CPXM2: variants seen among roughly 807,000 people sequenced by gnomAD.
The protein encoded by CPXM2 is inactive carboxypeptidase-like protein X2.
CPXM2 carries 66 observed loss-of-function variants against 86.1 expected under a neutral mutation model. That is an observed-to-expected ratio of 0.77 (90% CI 0.63 to 0.94). The LOEUF is 0.94. Ranked by LOEUF, CPXM2 falls within the 40% of genes least tolerant of loss-of-function variation. CPXM2 has a pLI of 0.00. For missense variants in CPXM2, 948 were observed against 1,026.3 expected (o/e 0.92, Z 1.04); for synonymous variants, 388 against 400.2 (o/e 0.97, Z 0.36).
intron 6 of CPXM2, among the ~76,000 whole-genome samples, chr10:123,793,356 C>G (rs547111085): frequency 6.7e-6 from 1 of 150,332 alleles, no homozygotes; most frequent in Non-Finnish European, 1.5e-5. Context: ...CCCAGCTACC[C>G]GGAGGCTAAG....
chr10:123,794,734 CGTGTGTGTGT>C (rs142855432), intron 6 of CPXM2, among the ~76,000 whole-genome samples: 63 of 141,244 alleles, frequency 4.5e-4, no homozygotes, highest in Non-Finnish European at 8.9e-4. Context: ...TATTTAAGAC[CGTGTGTGTGT>C]GTGTGTGTGT....
intron 4 of CPXM2, among the ~76,000 whole-genome samples, chr10:123,840,832 G>A (rs7095366): frequency 0.028 from 4,325 of 152,282 alleles, 78 homozygotes; most frequent in African/African-American, 0.053. Flanking sequence ...AATGACAGGT[G>A]GTTAAATGTA....
intron 3 of CPXM2, among the ~76,000 whole-genome samples, chr10:123,855,384 A>G (rs1296262254): frequency 6.6e-6 from 1 of 152,182 alleles, no homozygotes; most frequent in African/African-American, 2.4e-5. Flanking sequence ...CAAAACAGAA[A>G]ATCGGGAAGG....
intron 2 of CPXM2, among the ~76,000 whole-genome samples, chr10:123,863,510 G>C (rs1848904981): frequency 6.6e-6 from 1 of 152,200 alleles, no homozygotes; most frequent in Non-Finnish European, 1.5e-5. Flanking sequence ...TCCTTCCCCA[G>C]GGTTTGCCCT....
At chr10:123,870,337 C>A (rs9423276) in intron 2 of CPXM2, among the ~76,000 whole-genome samples, 3 of 152,194 alleles carry the variant, frequency 2.0e-5, no homozygotes, top group Non-Finnish European at 4.4e-5. Flanking sequence ...AGACAGGCAT[C>A]CCCCGCTGGC....
chr10:123,836,119 C>A (rs187156949), intron 4 of CPXM2, among the ~76,000 whole-genome samples: 3 of 152,222 alleles, frequency 2.0e-5, no homozygotes, highest in East Asian at 3.9e-4. Flanking sequence ...CCAGTGTACC[C>A]TGGAGATCCC....
chr10:123,940,328 A>G (rs927156616), upstream of CPXM2: 3 of 152,304 alleles, frequency 2.0e-5, no homozygotes, highest in African/African-American at 4.8e-5. Flanking sequence ...GATGATGTAC[A>G]TGGGACATCT....
intron 4 of CPXM2, among the ~76,000 whole-genome samples, chr10:123,842,047 CT>C (rs1212289888): frequency 6.6e-6 from 1 of 152,244 alleles, no homozygotes; most frequent in Non-Finnish European, 1.5e-5. Context: ...ACACTAATAT[CT>C]CGTCCCAGAG....
chr10:123,890,294 T>C (rs1945246506), intron 1 of CPXM2, among the ~76,000 whole-genome samples: 1 of 152,334 alleles, frequency 6.6e-6, no homozygotes, highest in Middle Eastern at 3.4e-3. Flanking sequence ...CCATTCAAAG[T>C]TGTCCACAAA....
intron 6 of CPXM2, among the ~76,000 whole-genome samples, chr10:123,787,635 G>T (rs1214176994): frequency 5.3e-5 from 8 of 152,186 alleles, no homozygotes; most frequent in Non-Finnish European, 1.2e-4. Flanking sequence ...CCATTACTGG[G>T]ACTTCAAAGG....
chr10:123,900,027 A>G (rs1485671106), intron 2 of CPXM2, among the ~76,000 whole-genome samples: 6 of 152,218 alleles, frequency 3.9e-5, no homozygotes, highest in Non-Finnish European at 7.3e-5. Context: ...GGGAGACAAT[A>G]CCTGCAATGT....
intron 4 of CPXM2, among the ~76,000 whole-genome samples, chr10:123,800,453 A>G (rs1227415762): frequency 6.6e-6 from 1 of 152,176 alleles, no homozygotes; most frequent in Non-Finnish European, 1.5e-5. Flanking sequence ...CCTCGGCAAC[A>G]GCTCCTTCCT....
chr10:123,839,888 A>G (rs1465125460), intron 4 of CPXM2, among the ~76,000 whole-genome samples: 6 of 152,212 alleles, frequency 3.9e-5, no homozygotes, highest in African/African-American at 1.2e-4. Flanking sequence ...CTTGAAATAC[A>G]TTTTTTAAAA....
At chr10:123,880,109 G>A (rs1480191818) in intron 2 of CPXM2, 102 bp downstream of exon 2, 7 of 662,954 alleles carry the variant, frequency 1.1e-5, no homozygotes, top group East Asian at 1.0e-4. Context: ...CCCCACACTC[G>A]GGAATCTGTA....
chr10:123,929,183 C>T (rs901636738), intron 2 of CPXM2, among the ~76,000 whole-genome samples: 2 of 152,196 alleles, frequency 1.3e-5, no homozygotes, highest in Non-Finnish European at 2.9e-5. Flanking sequence ...GATGGCTCAG[C>T]ATGCAAACTG....
At chr10:123,907,687 C>G (rs1020009401) in intron 2 of CPXM2, among the ~76,000 whole-genome samples, 1 of 128,208 alleles carries the variant, frequency 7.8e-6, no homozygotes, top group African/African-American at 2.7e-5. Flanking sequence ...ACATAGATGC[C>G]CCCCCTCCCA....
At chr10:123,934,048 G>T (rs78978962) in intron 2 of CPXM2, among the ~76,000 whole-genome samples, 1 of 152,218 alleles carries the variant, frequency 6.6e-6, no homozygotes, top group African/African-American at 2.4e-5. Flanking sequence ...CCTGGAGCCG[G>T]GGTAAGTCCT....
chr10:123,929,587 T>C (rs1265752583), intron 2 of CPXM2, among the ~76,000 whole-genome samples: 1 of 152,200 alleles, frequency 6.6e-6, no homozygotes, highest in East Asian at 1.9e-4. Flanking sequence ...TCCTTTTGGA[T>C]CCCAGTGTAG....
chr10:123,893,069 G>A (rs146041681), upstream of CPXM2, among the ~76,000 whole-genome samples: 1 of 152,326 alleles, frequency 6.6e-6, no homozygotes, highest in Non-Finnish European at 1.5e-5. Context: ...CTTGAGTGGT[G>A]ACCTTAACCA....
Sources: allele counts gnomAD v4.1 joint callset (sites outside exome capture counted in the v4.1 genomes callset), GRCh38; gene constraint gnomAD v4.1.1; transcripts MANE v1.5; gene names NCBI Gene and HGNC (gene_info 2026-07-23, HGNC 2026-07-21).